The following GRM5 variants were observed in gnomAD, a reference collection of about 807,000 sequenced individuals.
The protein encoded by GRM5 is metabotropic glutamate receptor 5.
In GRM5, 19 loss-of-function variants were observed where a neutral mutation model predicts 83.1. That is an observed-to-expected ratio of 0.23 (90% CI 0.16 to 0.34). The LOEUF (loss-of-function observed/expected upper bound fraction) is 0.34. GRM5 is among the 10% of genes least tolerant of loss of function. The probability of loss-of-function intolerance (pLI) is 1.00; values close to 1 mark genes in which losing one functional copy is unlikely to be tolerated. For synonymous variants in GRM5, 675 were observed against 633.6 expected (o/e 1.07, Z -0.98); for missense variants, 1,160 against 1,588.3 (o/e 0.73, Z 4.58).
At chr11:88,929,578 T>C (rs1235064879) in intron 2 of GRM5, among the ~76,000 whole-genome samples, 1 of 152,172 alleles carries the variant, frequency 6.6e-6, no homozygotes, top group East Asian at 1.9e-4. Flanking sequence ...TTTGGGTTTC[T>C]TAATGTTCCT....
chr11:88,623,606 C>T (rs1050011242), intron 4 of GRM5, among the ~76,000 whole-genome samples: 2 of 152,108 alleles, frequency 1.3e-5, no homozygotes, highest in Admixed American at 1.3e-4. Flanking sequence ...CTCCTGTATT[C>T]CTTTTACTTG....
intron 2 of GRM5, among the ~76,000 whole-genome samples, chr11:88,895,090 A>C (rs1437728146): frequency 6.6e-6 from 1 of 151,994 alleles, no homozygotes; most frequent in Non-Finnish European, 1.5e-5. Context: ...AGTTAGTGTA[A>C]ATTTGAAGCA....
At chr11:88,511,332 C>T (rs539479314) in intron 9 of GRM5, among the ~76,000 whole-genome samples, 1 of 152,326 alleles carries the variant, frequency 6.6e-6, no homozygotes, top group African/African-American at 2.4e-5. Flanking sequence ...CTGACTGGCC[C>T]TGCAGGATCC....
At chr11:88,612,950 T>G (rs1476724843) in intron 4 of GRM5, 1 of 152,208 alleles carries the variant, frequency 6.6e-6, no homozygotes, top group African/African-American at 2.4e-5. Flanking sequence ...TTTCATTTTT[T>G]TATCCCAAAG....
At chr11:89,003,868 T>C (rs1940454630) in intron 2 of GRM5, among the ~76,000 whole-genome samples, 1 of 152,082 alleles carries the variant, frequency 6.6e-6, no homozygotes, top group South Asian at 2.1e-4. Flanking sequence ...GGCAGACAGG[T>C]AGAATTAGCC....
At chr11:88,735,186 A>C (rs933451758) in intron 3 of GRM5, among the ~76,000 whole-genome samples, 2 of 151,998 alleles carry the variant, frequency 1.3e-5, no homozygotes, top group African/African-American at 4.8e-5. Flanking sequence ...GATATTCACC[A>C]CATTCTCACT....
chr11:88,882,154 T>C (rs1317944495), intron 2 of GRM5, among the ~76,000 whole-genome samples: 1 of 151,582 alleles, frequency 6.6e-6, no homozygotes, highest in Non-Finnish European at 1.5e-5. Flanking sequence ...AGAGAATCGC[T>C]TGAACCCAGG....
chr11:88,647,153 C>T (rs1035196722), intron 4 of GRM5, among the ~76,000 whole-genome samples: 2 of 151,950 alleles, frequency 1.3e-5, no homozygotes, highest in African/African-American at 4.8e-5. Context: ...TGTCTCTTCC[C>T]CTCTTTTTAT....
intron 2 of GRM5, among the ~76,000 whole-genome samples, chr11:88,938,795 A>G (rs527733993): frequency 1.3e-5 from 2 of 151,834 alleles, no homozygotes; most frequent in Admixed American, 1.3e-4. Flanking sequence ...ATGTTTTTAC[A>G]TCTATATATC....
intron 3 of GRM5, among the ~76,000 whole-genome samples, chr11:88,846,130 C>T (rs1401174386): frequency 6.6e-6 from 1 of 152,164 alleles, no homozygotes; most frequent in Non-Finnish European, 1.5e-5. Context: ...AAAGAATATT[C>T]TCAAATTATT....
intron 3 of GRM5, among the ~76,000 whole-genome samples, chr11:88,687,490 CA>C: frequency 1.2e-5 from 1 of 85,004 alleles, no homozygotes; most frequent in Admixed American, 1.5e-4. Context: ...AACAAACAAA[CA>C]AACAAAAAAT....
chr11:88,797,025 T>C (rs1474234799), intron 3 of GRM5, among the ~76,000 whole-genome samples: 1 of 152,026 alleles, frequency 6.6e-6, no homozygotes, highest in African/African-American at 2.4e-5. Flanking sequence ...ATGTTTGCTG[T>C]TGAATTAATG....
At chr11:89,027,039 A>G (rs1288236816) in intron 2 of GRM5, among the ~76,000 whole-genome samples, 2 of 151,934 alleles carry the variant, frequency 1.3e-5, no homozygotes. Flanking sequence ...TCTCTTTTAT[A>G]TTGGATGCTT....
chr11:88,670,291 T>C lies in GRM5; in HGVS notation c.912-16888A>G, dbSNP rs1288352529. 3.3e-5 allele frequency among the ~76,000 whole-genome samples: 5 copies of C among 152,144 alleles called. No homozygotes were observed. The East Asian group carries it at 9.6e-4, about 29-fold the overall frequency. ...AATAGGAATGATAAAATAATAAATCTTCTTGATAATAATAAAAGGAGATAT... is the reference window on the plus strand; with the variant it reads ...AATAGGAATGATAAAATAATAAATCCTCTTGATAATAATAAAAGGAGATAT... On this transcript the variant is annotated intron_variant, in intron 3 of 9. Coordinates refer to ENST00000305447, the MANE Select transcript of GRM5 (RefSeq NM_001143831.3).
At chr11:89,015,337 G>C (rs1397953309) in intron 2 of GRM5, among the ~76,000 whole-genome samples, 1 of 152,084 alleles carries the variant, frequency 6.6e-6, no homozygotes, top group Non-Finnish European at 1.5e-5. Flanking sequence ...TCCCTTCACT[G>C]TGAAGTAACA....
intron 2 of GRM5, among the ~76,000 whole-genome samples, chr11:88,980,487 A>T (rs1939485954): frequency 1.3e-5 from 2 of 152,188 alleles, no homozygotes; most frequent in African/African-American, 4.8e-5. Flanking sequence ...TTAATTAAAT[A>T]AAAGTGTTCT....
chr11:88,767,694 G>A (rs1942649948), intron 3 of GRM5, among the ~76,000 whole-genome samples: 1 of 152,016 alleles, frequency 6.6e-6, no homozygotes, highest in South Asian at 2.1e-4. Context: ...GGTAGGAGGA[G>A]GGAGAGGATC....
intron 3 of GRM5, among the ~76,000 whole-genome samples, chr11:88,781,143 A>ATATG (rs1394679712): frequency 3.8e-5 from 4 of 105,828 alleles, no homozygotes; most frequent in Non-Finnish European, 2.2e-5. Context: ...ATATATATAT[A>ATATG]TATATGTATA....
intron 3 of GRM5, among the ~76,000 whole-genome samples, chr11:88,672,497 G>T (rs1014124457): frequency 5.9e-5 from 9 of 151,838 alleles, no homozygotes; most frequent in Admixed American, 5.3e-4. Context: ...GAGAAATTGG[G>T]CCCATGTCTT....
Sources: allele counts gnomAD v4.1 joint callset (sites outside exome capture counted in the v4.1 genomes callset), GRCh38; gene constraint gnomAD v4.1.1; transcripts MANE v1.5; gene names NCBI Gene and HGNC (gene_info 2026-07-23, HGNC 2026-07-21).